ALKBH1: variants seen among roughly 807,000 people sequenced by gnomAD.
ALKBH1 encodes alkB homolog 1, histone H2A dioxygenase.
In ALKBH1, 31 loss-of-function variants were observed where a neutral mutation model predicts 36.6. The observed-to-expected ratio is 0.85, with a 90% CI of 0.64 to 1.14. ALKBH1 has a LOEUF of 1.14. Ranked by LOEUF, ALKBH1 falls within the 50% of genes most tolerant of loss-of-function variation. ALKBH1 has a pLI of 0.00. For synonymous variants in ALKBH1, 183 were observed against 186.6 expected, an observed-to-expected ratio of 0.98 and a Z score of 0.16; for missense variants, 490 against 497.3, an observed-to-expected ratio of 0.99 and a Z score of 0.14.
In ALKBH1 at chr14:77,675,975, T is replaced by C. The variant is rs994304528; in HGVS notation, c.547-126A>G. 5 of 800,126 alleles carry C rather than the reference T, an allele frequency of 6.2e-6. No homozygotes were observed. In the African/African-American group the frequency reaches 8.8e-5, roughly 14 times the overall value. 49.6% of individuals were successfully genotyped at this position (800,126 alleles called of 1,614,324 possible). On this transcript the variant is annotated intron_variant, in intron 4 of 5. Coordinates refer to ENST00000216489, the MANE Select transcript of ALKBH1 (RefSeq NM_006020.3). ...GTCATATTAACATATTAACACAGCA[T>C]TATCTATCCATTCTTTTCTTTTCTT...
chr14:77,683,327 T>C, intron 3 of ALKBH1: 3 of 738,316 alleles, frequency 4.1e-6, no homozygotes, highest in Non-Finnish European at 2.5e-6. Flanking sequence ...CCTTTCTCTT[T>C]GGGTTCTTTT....
chr14:77,701,120 C>G (rs1035020871), intron 2 of ALKBH1, among the ~76,000 whole-genome samples: 18 of 151,740 alleles, frequency 1.2e-4, no homozygotes, highest in African/African-American at 4.4e-4. Context: ...CAAACTCTGC[C>G]CATCTTGCAT....
chr14:77,685,851 T>C (rs1433338388), intron 3 of ALKBH1, among the ~76,000 whole-genome samples: 2 of 152,030 alleles, frequency 1.3e-5, no homozygotes, highest in Admixed American at 1.3e-4. Context: ...CAGAGTCGAG[T>C]CTTACATTGA....
At position 77,683,206 on chromosome 14, in the gene ALKBH1, G is replaced by A. The variant is rs547246670; in HGVS notation, c.456-3236C>T. 21 of 652,896 alleles carry A rather than the reference G, an allele frequency of 3.2e-5. 1 individual carries two copies. The highest frequency in any genetic ancestry group is 1.9e-4 in the South Asian group (13 of 67,696). 40.4% of individuals were successfully genotyped at this position (652,896 alleles called of 1,614,324 possible). A position where few individuals can be genotyped will look rare whatever the true frequency, so the allele number is the denominator to read the frequency against. On this transcript the variant is annotated intron_variant, in intron 3 of 5. Coordinates refer to ENST00000216489, the MANE Select transcript of ALKBH1 (RefSeq NM_006020.3). ...CCAGGGGTATTTTAACACCTATTAT[G>A]CTATGAATCCATAGAGAATAGGTTC...
chr14:77,686,244 T>C (rs1183798856), intron 3 of ALKBH1, among the ~76,000 whole-genome samples: 3 of 152,182 alleles, frequency 2.0e-5, no homozygotes, highest in Non-Finnish European at 4.4e-5. Context: ...TTCCGGATCA[T>C]TTTTAAGCAT....
intron 3 of ALKBH1, 51 bp downstream of exon 3, chr14:77,694,687 G>C: frequency 7.1e-7 from 1 of 1,407,332 alleles, no homozygotes; most frequent in East Asian, 2.5e-5. Context: ...TCAAAGACCT[G>C]TGATGATCTG....
Position 77,704,493 on chromosome 14 carries a change from C to T in ALKBH1, c.184-16G>A, listed in dbSNP as rs751575133. On this transcript the variant is annotated splice_polypyrimidine_tract_variant and intron_variant, in intron 1 of 5. Coordinates refer to ENST00000216489, the MANE Select transcript of ALKBH1 (RefSeq NM_006020.3). ...ATTTGATCACCTGGCAGGAAGGAAA[C>T]AGAAGTTAAAGGACTAAATCTATTT... 6.2e-7 allele frequency: 1 copy of T among 1,604,082 alleles called. No individual in the cohort carries two copies. The highest frequency in any genetic ancestry group is 1.1e-5 in the South Asian group (1 of 90,856).
chr14:77,690,968 A>T (rs2080293905), intron 3 of ALKBH1, among the ~76,000 whole-genome samples: 1 of 151,822 alleles, frequency 6.6e-6, no homozygotes, highest in Non-Finnish European at 1.5e-5. Context: ...TGCCCGGCTA[A>T]TTTTGTATTT....
At chr14:77,682,039 C>A (rs1004224330) in intron 3 of ALKBH1, among the ~76,000 whole-genome samples, 1 of 152,132 alleles carries the variant, frequency 6.6e-6, no homozygotes, top group African/African-American at 2.4e-5. Flanking sequence ...AGTCCTGAGT[C>A]TTCCTGGCGA....
intron 1 of ALKBH1, among the ~76,000 whole-genome samples, chr14:77,707,283 G>A (rs1274654838): frequency 6.6e-6 from 1 of 152,216 alleles, no homozygotes; most frequent in African/African-American, 2.4e-5. Context: ...AAAGCTGAGA[G>A]AGAGAACGGT....
chr14:77,702,161 C>T (rs1008807289), intron 2 of ALKBH1, among the ~76,000 whole-genome samples: 6 of 152,074 alleles, frequency 3.9e-5, no homozygotes, highest in Non-Finnish European at 1.5e-5. Flanking sequence ...GTTAGCTGGG[C>T]GTGGTGGCGG....
At chr14:77,680,868 G>A (rs1486359799) in intron 3 of ALKBH1, among the ~76,000 whole-genome samples, 18 of 151,904 alleles carry the variant, frequency 1.2e-4, no homozygotes, top group African/African-American at 1.4e-4. Flanking sequence ...TAGTAGAGAC[G>A]GAGTTTCTCC....
intron 2 of ALKBH1, among the ~76,000 whole-genome samples, chr14:77,699,826 G>C (rs1372612103): frequency 6.6e-6 from 1 of 152,126 alleles, no homozygotes; most frequent in Admixed American, 6.6e-5. Flanking sequence ...GAGGCAAGGA[G>C]GGCGGATCAC....
intron 2 of ALKBH1, among the ~76,000 whole-genome samples, chr14:77,701,590 G>C (rs2080359871): frequency 6.6e-6 from 1 of 152,066 alleles, no homozygotes; most frequent in East Asian, 1.9e-4. Context: ...AAGAGGATGT[G>C]TCCTCACACA....
rs749944795 is a variant in ALKBH1, at chr14:77,707,976, G to A, written c.29C>T (p.Ser10Phe). The change falls in exon 1 of 6, where the codon TCT becomes TTT. Residue 10 changes from serine to phenylalanine, a missense_variant. Physicochemically the swap from Ser to Phe is radical, Grantham distance 155. Coordinates refer to ENST00000216489, the MANE Select transcript of ALKBH1 (RefSeq NM_006020.3). ...GGGCTCAGTCGCCAGAGTCGCCACA[G>A]AGCCCACGGCCGCTGCCATCTTCCC... is the stretch of plus-strand genomic sequence containing the variant. MGKMAAAVG[S>F]VATLATEPGE... is the part of the protein sequence containing the mutation. The A allele has an allele frequency of 1.2e-6, 2 of 1,612,770 alleles. No individual in the cohort carries two copies. The highest frequency in any genetic ancestry group is 2.2e-5 in the East Asian group (1 of 44,882).
chr14:77,687,522 T>C (rs2080274550), intron 3 of ALKBH1, among the ~76,000 whole-genome samples: 1 of 152,034 alleles, frequency 6.6e-6, no homozygotes, highest in South Asian at 2.1e-4. Flanking sequence ...CCCTTTATAA[T>C]TAAACTTTTA....
intron 2 of ALKBH1, 101 bp from the exon 3 acceptor site, chr14:77,695,001 C>A: frequency 9.5e-7 from 1 of 1,057,688 alleles, no homozygotes; most frequent in Non-Finnish European, 1.3e-6. Context: ...GTTATTTACT[C>A]CCCATATTTT....
At position 77,673,265 on chromosome 14, in the gene ALKBH1, G is replaced by A. The variant is rs2080186192; in HGVS notation, c.*547C>T. On this transcript the variant is annotated 3_prime_UTR_variant, in exon 6 of 6. Coordinates refer to ENST00000216489, the MANE Select transcript of ALKBH1 (RefSeq NM_006020.3). Reference sequence around the variant, plus strand: ...GATTAATTTCTTTTCTAAAAGACAAGATTTTCCAGTTCCATTGTTTTCATG... The same window carrying A: ...GATTAATTTCTTTTCTAAAAGACAAAATTTTCCAGTTCCATTGTTTTCATG... 1 of 152,800 alleles carries A rather than the reference G, an allele frequency of 6.5e-6. No individual in the cohort carries two copies. Among genetic ancestry groups the A allele is most frequent in the Non-Finnish European group, 1.5e-5 (1 of 68,492 alleles). The allele number at this position is 152,800 out of a possible 1,614,324, so 9.5% of individuals were successfully genotyped here.
chr14:77,683,334 T>C, intron 3 of ALKBH1: 1 of 733,964 alleles, frequency 1.4e-6, no homozygotes, highest in Non-Finnish European at 2.5e-6. Context: ...CTTTGGGTTC[T>C]TTTTCTGATC....
Sources: allele counts gnomAD v4.1 joint callset (sites outside exome capture counted in the v4.1 genomes callset), GRCh38; gene constraint gnomAD v4.1.1; transcripts MANE v1.5; gene names NCBI Gene and HGNC (gene_info 2026-07-23, HGNC 2026-07-21).